MACROD2: variants seen among roughly 807,000 people sequenced by gnomAD.
The protein encoded by MACROD2 is mono-ADP ribosylhydrolase 2, also known as ADP-ribose glycohydrolase MACROD2.
In MACROD2, 36 loss-of-function variants were observed where a neutral mutation model predicts 70.4. The ratio of observed to expected loss-of-function variants is 0.51; its 90% CI spans 0.39 to 0.68. MACROD2 has a LOEUF of 0.68. Ranked by LOEUF, MACROD2 falls within the 30% of genes least tolerant of loss-of-function variation. The probability of loss-of-function intolerance (pLI) is 0.00; values close to 1 mark genes in which losing one functional copy is unlikely to be tolerated. For missense variants in MACROD2, 496 were observed against 538.4 expected, an observed-to-expected ratio of 0.92 and a Z score of 0.78; for synonymous variants, 172 against 178.8, an observed-to-expected ratio of 0.96 and a Z score of 0.30.
intron 8 of MACROD2, among the ~76,000 whole-genome samples, chr20:15,749,021 C>G (rs1050342091): frequency 3.9e-5 from 6 of 152,200 alleles, no homozygotes; most frequent in South Asian, 4.1e-4. Flanking sequence ...GCTTTGTATA[C>G]AAATTATGTA....
intron 8 of MACROD2, among the ~76,000 whole-genome samples, chr20:15,814,513 G>A (rs1238521559): frequency 1.3e-5 from 2 of 152,082 alleles, no homozygotes; most frequent in Non-Finnish European, 2.9e-5. Flanking sequence ...ATTATTGATT[G>A]CTTTGCCTCT....
At chr20:15,265,095 G>T (rs2077281621) in intron 6 of MACROD2, among the ~76,000 whole-genome samples, 1 of 152,176 alleles carries the variant, frequency 6.6e-6, no homozygotes, top group South Asian at 2.1e-4. Context: ...GGAGAAAACT[G>T]TGAAATAGGT....
intron 8 of MACROD2, among the ~76,000 whole-genome samples, chr20:15,858,361 C>A (rs1055657465): frequency 3.3e-5 from 5 of 152,110 alleles, no homozygotes; most frequent in African/African-American, 1.2e-4. Context: ...TTATCTGGGG[C>A]TAGTATGGGG....
At chr20:15,993,233 A>AGT (rs11468964) in intron 15 of MACROD2, among the ~76,000 whole-genome samples, 5,672 of 144,012 alleles carry the variant, frequency 0.039, 180 homozygotes, top group East Asian at 0.094. Flanking sequence ...GAATTTGAAG[A>AGT]GTGTGTGTGT....
intron 5 of MACROD2, among the ~76,000 whole-genome samples, chr20:15,029,840 A>T (rs2122992146): frequency 6.6e-6 from 1 of 152,280 alleles, no homozygotes; most frequent in South Asian, 2.1e-4. Flanking sequence ...GATTACATAA[A>T]GAGATGAATG....
At chr20:15,844,077 G>A (rs953878032) in intron 8 of MACROD2, among the ~76,000 whole-genome samples, 5 of 151,678 alleles carry the variant, frequency 3.3e-5, no homozygotes, top group Non-Finnish European at 4.4e-5. Flanking sequence ...TAGCAAAAAT[G>A]TACATTTCTT....
chr20:15,371,357 T>A (rs2045491236), intron 6 of MACROD2, among the ~76,000 whole-genome samples: 1 of 152,128 alleles, frequency 6.6e-6, no homozygotes, highest in South Asian at 2.1e-4. Context: ...GGGAAGCCAG[T>A]TTACCCAGAA....
At chr20:15,826,687 G>A (rs111815095) in intron 8 of MACROD2, among the ~76,000 whole-genome samples, 104 of 152,218 alleles carry the variant, frequency 6.8e-4, no homozygotes, top group Non-Finnish European at 9.7e-4. Flanking sequence ...AGTATAATGC[G>A]TTATAAATTA....
chr20:14,722,725 A>G (rs747501997), intron 5 of MACROD2, among the ~76,000 whole-genome samples: 1 of 152,190 alleles, frequency 6.6e-6, no homozygotes, highest in African/African-American at 2.4e-5. Flanking sequence ...AGACACCTAT[A>G]TTGGTTCCCA....
chr20:15,100,589 A>G (rs2075864771), intron 5 of MACROD2, among the ~76,000 whole-genome samples: 1 of 152,206 alleles, frequency 6.6e-6, no homozygotes. Context: ...AAAATTCTTC[A>G]TCTAACAAAT....
intron 3 of MACROD2, among the ~76,000 whole-genome samples, chr20:14,299,406 C>G (rs2082455575): frequency 6.6e-6 from 1 of 152,162 alleles, no homozygotes; most frequent in East Asian, 1.9e-4. Flanking sequence ...ACTGGGAAAC[C>G]AGAAACGTGA....
At chr20:15,287,654 C>CAG (rs1354085922) in intron 6 of MACROD2, among the ~76,000 whole-genome samples, 1 of 152,194 alleles carries the variant, frequency 6.6e-6, no homozygotes, top group African/African-American at 2.4e-5. Flanking sequence ...GATGGGAAGT[C>CAG]ACCCTAGAGA....
intron 5 of MACROD2, among the ~76,000 whole-genome samples, chr20:14,940,193 G>A (rs1366154614): frequency 1.3e-5 from 2 of 150,192 alleles, no homozygotes; most frequent in Non-Finnish European, 3.0e-5. Context: ...AGTTAGCTGG[G>A]TGTGGTGGCA....
intron 4 of MACROD2, among the ~76,000 whole-genome samples, chr20:14,556,805 A>G (rs1407686030): frequency 6.6e-6 from 1 of 152,088 alleles, no homozygotes; most frequent in Non-Finnish European, 1.5e-5. Context: ...CAGAGGAAAC[A>G]AAGAGAAAAC....
At chr20:15,882,021 C>A (rs1261335176) in intron 9 of MACROD2, among the ~76,000 whole-genome samples, 3 of 152,032 alleles carry the variant, frequency 2.0e-5, no homozygotes, top group Non-Finnish European at 4.4e-5. Flanking sequence ...ATAATCCTAA[C>A]CCTAAGAAGT....
intron 5 of MACROD2, among the ~76,000 whole-genome samples, chr20:14,840,630 G>C (rs2073077226): frequency 6.6e-6 from 1 of 151,988 alleles, no homozygotes; most frequent in Non-Finnish European, 1.5e-5. Flanking sequence ...TTATCAGCCA[G>C]AACAACATAC....
At chr20:14,168,624 C>T (rs567835737) in intron 3 of MACROD2, among the ~76,000 whole-genome samples, 75 of 152,246 alleles carry the variant, frequency 4.9e-4, no homozygotes, top group South Asian at 1.4e-3. Flanking sequence ...TTGTACAGTT[C>T]TATGGGCTTT....
chr20:14,097,679 T>C (rs1456180827), intron 3 of MACROD2, among the ~76,000 whole-genome samples: 2 of 152,162 alleles, frequency 1.3e-5, no homozygotes, highest in Non-Finnish European at 2.9e-5. Context: ...ATAATACAGG[T>C]TGAATATTTC....
intron 8 of MACROD2, among the ~76,000 whole-genome samples, chr20:15,538,432 TAACCCCTTTTTAG>T (rs1292300879): frequency 6.6e-6 from 1 of 152,218 alleles, no homozygotes; most frequent in Non-Finnish European, 1.5e-5. Context: ...GTGATTCTAT[TAACCCCTTTTTAG>T]AACTTCAGGA....
Sources: gnomAD v4.1 joint callset for allele counts (sites outside exome capture counted in the v4.1 genomes callset) on GRCh38, gnomAD v4.1.1 for gene constraint, MANE v1.5 for transcripts, NCBI Gene and HGNC (gene_info 2026-07-23, HGNC 2026-07-21) for gene names.